Variants in BMP6 observed in about 807,000 individuals in gnomAD.
The protein encoded by BMP6 is VG-1-R.
A neutral mutation model predicts 54.1 loss-of-function variants in BMP6; 17 were observed. That is an observed-to-expected ratio of 0.31 (90% CI 0.22 to 0.47). The LOEUF is 0.47. BMP6 is among the 20% of genes least tolerant of loss of function. BMP6 has a pLI of 1.00. For missense variants in BMP6, 720 were observed against 690.4 expected (o/e 1.04, Z -0.48); for synonymous variants, 328 against 291.2 (o/e 1.13, Z -1.28).
chr6:7,853,907 G>GGA (rs1554125170), intron 2 of BMP6, among the ~76,000 whole-genome samples: 2 of 148,290 alleles, frequency 1.3e-5, no homozygotes, highest in Non-Finnish European at 3.0e-5. Context: ...TACTTGGGGA[G>GGA]AAAAAAAAAA....
At chr6:7,853,441 AACATTACCTATGG>A in intron 2 of BMP6, among the ~76,000 whole-genome samples, 1 of 152,300 alleles carries the variant, frequency 6.6e-6, no homozygotes, top group African/African-American at 2.4e-5. Context: ...TCTTTAGAAA[AACATTACCTATGG>A]ACTGATTGCT....
intron 2 of BMP6, among the ~76,000 whole-genome samples, chr6:7,848,123 A>G (rs564978557): frequency 2.4e-4 from 37 of 152,266 alleles, no homozygotes; most frequent in African/African-American, 8.4e-4. Flanking sequence ...CTTTCCTTGA[A>G]TGGATCCCCT....
intron 2 of BMP6, among the ~76,000 whole-genome samples, chr6:7,856,861 G>T (rs1434769224): frequency 6.6e-6 from 1 of 151,982 alleles, no homozygotes; most frequent in Non-Finnish European, 1.5e-5. Context: ...CTCCCAAAGT[G>T]CTGGGATTAC....
At position 7,862,507 on chromosome 6, in the gene BMP6, G is replaced by C. The variant is rs1444857769; in HGVS notation, c.1204+9G>C. 6.2e-7 allele frequency: 1 copy of C among 1,613,518 alleles called. No individual in the cohort carries two copies. The highest frequency in any genetic ancestry group is 1.7e-5 in the Admixed American group (1 of 60,020). Reference sequence around the variant, plus strand: ...GGTCTCCAGTGCTTCAGGTGGGTTTGTGGGGAGCCTGTGTTTCCAGAAAGC... The same window carrying C: ...GGTCTCCAGTGCTTCAGGTGGGTTTCTGGGGAGCCTGTGTTTCCAGAAAGC... On this transcript the variant is annotated intron_variant, in intron 4 of 6. Transcript: ENST00000283147.
At chr6:7,734,823 T>C (rs1218619583) in intron 1 of BMP6, among the ~76,000 whole-genome samples, 2 of 152,212 alleles carry the variant, frequency 1.3e-5, no homozygotes, top group African/African-American at 4.8e-5. Context: ...ACGGTCTCGT[T>C]ATCTCAAGCA....
At chr6:7,822,570 G>A (rs767217227) in intron 1 of BMP6, among the ~76,000 whole-genome samples, 9 of 152,060 alleles carry the variant, frequency 5.9e-5, no homozygotes, top group Non-Finnish European at 8.8e-5. Flanking sequence ...TCCTGGGAGC[G>A]TGTGTACAAA....
Position 7,880,108 on chromosome 6 carries a change from T to G in BMP6, c.1392+7T>G, listed in dbSNP as rs1581297817. ...CGCGATTGTGCAGACCTTGGTGAGC[T>G]CTCGGAGACTTTGTTTTGTAAGTGG... On this transcript the variant is annotated splice_region_variant and intron_variant, in intron 6 of 6. Transcript: ENST00000283147. 7 of 1,613,976 alleles carry G rather than the reference T, an allele frequency of 4.3e-6. No homozygotes were observed. Among genetic ancestry groups the G allele is most frequent in the Non-Finnish European group, 5.9e-6 (7 of 1,179,988 alleles).
chr6:7,778,631 C>G (rs1757896439), intron 1 of BMP6, among the ~76,000 whole-genome samples: 2 of 152,208 alleles, frequency 1.3e-5, no homozygotes, highest in African/African-American at 4.8e-5. Flanking sequence ...GAAGGAGAAA[C>G]TGGAACTGTG....
At chr6:7,764,319 A>T (rs573557763) in intron 1 of BMP6, among the ~76,000 whole-genome samples, 2 of 152,212 alleles carry the variant, frequency 1.3e-5, no homozygotes, top group Admixed American at 6.5e-5. Context: ...GGGAACTTGT[A>T]TCTTTTTCTC....
At chr6:7,780,081 A>G (rs1757920316) in intron 1 of BMP6, among the ~76,000 whole-genome samples, 1 of 152,092 alleles carries the variant, frequency 6.6e-6, no homozygotes, top group Non-Finnish European at 1.5e-5. Flanking sequence ...ACACTCATTT[A>G]TTTCCGTGCT....
At chr6:7,852,781 A>G (rs114736039) in intron 2 of BMP6, among the ~76,000 whole-genome samples, 137 of 152,214 alleles carry the variant, frequency 9.0e-4, no homozygotes, top group African/African-American at 3.3e-3. Flanking sequence ...CGTCCCATAT[A>G]AACACAGCTT....
At chr6:7,803,401 CTG>C (rs1255072771) in intron 1 of BMP6, among the ~76,000 whole-genome samples, 1 of 152,178 alleles carries the variant, frequency 6.6e-6, no homozygotes, top group African/African-American at 2.4e-5. Context: ...TTAATGGTCT[CTG>C]TGGGTTATGA....
At chr6:7,804,714 C>T (rs1022981288) in intron 1 of BMP6, among the ~76,000 whole-genome samples, 3 of 152,164 alleles carry the variant, frequency 2.0e-5, no homozygotes, top group African/African-American at 4.8e-5. Flanking sequence ...AAAATATGCT[C>T]GGTCCCTTCA....
At chr6:7,865,338 A>G (rs1759402502) in intron 4 of BMP6, among the ~76,000 whole-genome samples, 1 of 152,146 alleles carries the variant, frequency 6.6e-6, no homozygotes. Context: ...TACAAAGGCA[A>G]AAGGGTTCAT....
At chr6:7,850,027 A>G (rs1398422420) in intron 2 of BMP6, among the ~76,000 whole-genome samples, 2 of 152,248 alleles carry the variant, frequency 1.3e-5, no homozygotes, top group Non-Finnish European at 2.9e-5. Context: ...ATTTGATTTT[A>G]GAGTTTGGTT....
At position 7,856,120 on chromosome 6, in the gene BMP6, T is replaced by TAAAAAAAAAAAAAAAAAAAAAAA. The variant is rs56264814; in HGVS notation, c.858-5329_858-5307dup. Reference sequence around the variant, plus strand: ...GAAAATTGAGTAATATCAAAGACTGTAAAAAAAAAAAAAAAAAAAAAAAAT... The same window carrying TAAAAAAAAAAAAAAAAAAAAAAA: ...GAAAATTGAGTAATATCAAAGACTGTAAAAAAAAAAAAAAAAAAAAAAAAAAAAAAAAAAAAAAAAAAAAAAAT... On this transcript the variant is annotated intron_variant, in intron 2 of 6. Transcript: ENST00000283147. 2.4e-5 allele frequency among the ~76,000 whole-genome samples: 2 copies of TAAAAAAAAAAAAAAAAAAAAAAA among 83,662 alleles called. 1 individual carries two copies. Among genetic ancestry groups the TAAAAAAAAAAAAAAAAAAAAAAA allele is most frequent in the African/African-American group, 8.9e-5 (2 of 22,570 alleles). 54.9% of individuals were successfully genotyped at this position (83,662 alleles called of 152,430 possible).
chr6:7,822,942 T>G (rs1415790691), intron 1 of BMP6, among the ~76,000 whole-genome samples: 1 of 149,506 alleles, frequency 6.7e-6, no homozygotes, highest in African/African-American at 2.5e-5. Context: ...TGTGTGTGTG[T>G]ACACACTGGT....
intron 1 of BMP6, among the ~76,000 whole-genome samples, chr6:7,825,235 C>T (rs1758675536): frequency 6.7e-6 from 1 of 148,800 alleles, no homozygotes; most frequent in Non-Finnish European, 1.5e-5. Context: ...GCTGTAATCA[C>T]ATCACTGTGC....
At chr6:7,814,795 G>C (rs1012390010) in intron 1 of BMP6, among the ~76,000 whole-genome samples, 6 of 152,046 alleles carry the variant, frequency 3.9e-5, no homozygotes, top group Non-Finnish European at 5.9e-5. Context: ...ACAAGGAGGG[G>C]AACATCACAT....
Sources: allele counts gnomAD v4.1 joint callset (sites outside exome capture counted in the v4.1 genomes callset), GRCh38; gene constraint gnomAD v4.1.1; transcripts MANE v1.5; gene names NCBI Gene and HGNC (gene_info 2026-07-23, HGNC 2026-07-21).